The following REC114 variants were observed in gnomAD, a reference collection of about 807,000 sequenced individuals.
REC114 encodes the protein REC114 meiotic recombination protein, also known as meiotic recombination protein REC114.
A neutral mutation model predicts 31.3 loss-of-function variants in REC114; 27 were observed. The ratio of observed to expected loss-of-function variants is 0.86; its 90% CI spans 0.64 to 1.19. REC114 has a LOEUF of 1.19. Among genes scored for constraint, REC114 ranks in the 50% most tolerant of loss-of-function variants. The pLI, the probability that REC114 is intolerant of heterozygous loss-of-function variation, is 0.00. For synonymous variants in REC114, 134 were observed against 127.7 expected, an observed-to-expected ratio of 1.05 and a Z score of -0.33; for missense variants, 344 against 326.9, an observed-to-expected ratio of 1.05 and a Z score of -0.40.
chr15:73,536,151 G>A (rs1206581146), intron 2 of REC114, among the ~76,000 whole-genome samples: 2 of 152,064 alleles, frequency 1.3e-5, no homozygotes, highest in Non-Finnish European at 2.9e-5. Context: ...AAAAGCAATG[G>A]CAACAAAAGA....
intron 2 of REC114, among the ~76,000 whole-genome samples, chr15:73,493,936 AT>A (rs2141304322): frequency 6.6e-6 from 1 of 152,326 alleles, no homozygotes; most frequent in South Asian, 2.1e-4. Context: ...GGTGAAACAG[AT>A]TCCAGATGAG....
intron 1 of REC114, among the ~76,000 whole-genome samples, chr15:73,472,269 C>G (rs146583148): frequency 7.2e-5 from 11 of 152,348 alleles, no homozygotes; most frequent in Admixed American, 6.5e-4. Flanking sequence ...TTCATTTAAA[C>G]TGTGACAAGA....
At chr15:73,449,447 A>G (rs1181009806) in intron 1 of REC114, among the ~76,000 whole-genome samples, 1 of 152,102 alleles carries the variant, frequency 6.6e-6, no homozygotes, top group Non-Finnish European at 1.5e-5. Flanking sequence ...AAGGTTAGAG[A>G]AAAGAGTGAA....
chr15:73,539,872 T>C (rs1483428627), intron 2 of REC114, among the ~76,000 whole-genome samples: 1 of 152,202 alleles, frequency 6.6e-6, no homozygotes, highest in African/African-American at 2.4e-5. Context: ...CTGACTTTAT[T>C]AGTAAATGGC....
chr15:73,443,403 C>T (rs73442046), intron 1 of REC114, 59 bp downstream of exon 1: 38,075 of 1,493,378 alleles, frequency 0.025, 850 homozygotes, highest in African/African-American at 0.12. Flanking sequence ...AGGGGAGGCT[C>T]CGCGAATACA....
At chr15:73,527,996 A>T (rs1389511894) in intron 2 of REC114, among the ~76,000 whole-genome samples, 1 of 152,216 alleles carries the variant, frequency 6.6e-6, no homozygotes, top group Non-Finnish European at 1.5e-5. Context: ...CAATGTAAAG[A>T]TCAGTAACTG....
intron 2 of REC114, among the ~76,000 whole-genome samples, chr15:73,474,228 G>A (rs1291777861): frequency 1.3e-5 from 2 of 152,162 alleles, no homozygotes; most frequent in African/African-American, 2.4e-5. Context: ...AGACAAGTGT[G>A]GAGGGTTTTC....
chr15:73,520,467 GATCCA>G (rs1173401592), intron 2 of REC114, among the ~76,000 whole-genome samples: 1 of 152,142 alleles, frequency 6.6e-6, no homozygotes, highest in Non-Finnish European at 1.5e-5. Flanking sequence ...CTGACCTTGT[GATCCA>G]CCCACCTTGG....
intron 1 of REC114, among the ~76,000 whole-genome samples, chr15:73,448,902 G>T (rs749469334): frequency 2.0e-5 from 3 of 152,162 alleles, no homozygotes; most frequent in East Asian, 1.9e-4. Flanking sequence ...CAGAAGAGGG[G>T]CCTGACTGTT....
At chr15:73,528,294 A>C (rs150079332) in intron 2 of REC114, among the ~76,000 whole-genome samples, 1 of 152,346 alleles carries the variant, frequency 6.6e-6, no homozygotes, top group Admixed American at 6.5e-5. Flanking sequence ...AGATGAATTA[A>C]TGAGTGTAGG....
At chr15:73,522,963 T>C (rs1585944) in intron 2 of REC114, among the ~76,000 whole-genome samples, 7,914 of 152,240 alleles carry the variant, frequency 0.052, 217 homozygotes, top group South Asian at 0.094. Context: ...TCTTTAATTT[T>C]AGCCATTCTG....
intron 1 of REC114, among the ~76,000 whole-genome samples, chr15:73,462,969 T>C (rs1216349797): frequency 6.6e-6 from 1 of 152,076 alleles, no homozygotes; most frequent in East Asian, 1.9e-4. Context: ...CATCATGTTA[T>C]TTTGAAGCAA....
intron 2 of REC114, among the ~76,000 whole-genome samples, chr15:73,479,425 T>C (rs370001095): frequency 4.6e-5 from 7 of 152,002 alleles, no homozygotes; most frequent in East Asian, 1.9e-4. Context: ...ACAATTACCA[T>C]TTTATATATG....
intron 4 of REC114, among the ~76,000 whole-genome samples, chr15:73,554,796 C>T (rs932146752): frequency 1.3e-5 from 2 of 152,188 alleles, no homozygotes; most frequent in Non-Finnish European, 2.9e-5. Context: ...GCTTCAGTTC[C>T]ACTTAGCTAT....
At chr15:73,457,082 T>C (rs1171847159) in intron 1 of REC114, among the ~76,000 whole-genome samples, 1 of 150,796 alleles carries the variant, frequency 6.6e-6, no homozygotes, top group East Asian at 1.9e-4. Flanking sequence ...TTTTTTTTTT[T>C]TTTTTCCAGA....
chr15:73,534,515 A>G (rs1178148939), intron 2 of REC114, among the ~76,000 whole-genome samples: 2 of 152,146 alleles, frequency 1.3e-5, no homozygotes, highest in Non-Finnish European at 2.9e-5. Flanking sequence ...CAGTAACAGG[A>G]GCTGAAATTG....
chr15:73,501,555 A>G (rs1453921955), intron 2 of REC114, among the ~76,000 whole-genome samples: 2 of 152,046 alleles, frequency 1.3e-5, no homozygotes, highest in Admixed American at 1.3e-4. Flanking sequence ...AGAGAGTCTC[A>G]TGTCTCAGCC....
intron 2 of REC114, among the ~76,000 whole-genome samples, chr15:73,482,982 A>C (rs1449148272): frequency 6.6e-6 from 1 of 151,292 alleles, no homozygotes; most frequent in African/African-American, 2.4e-5. Context: ...TGACAGTTCC[A>C]GTTTCTCCAC....
In REC114 at chr15:73,443,226, C is replaced by T. The variant is rs750671215; in HGVS notation, c.41C>T (p.Thr14Ile). 1.5e-5 allele frequency: 24 copies of T among 1,576,122 alleles called. No individual in the cohort carries two copies. In the South Asian group the frequency reaches 2.6e-4, roughly 17 times the overall value. The change falls in exon 1 of 6, where the codon ACC becomes ATC. Residue 14 changes from threonine to isoleucine, a missense_variant. Physicochemically the swap from Thr to Ile is moderately conservative, Grantham distance 89 (BLOSUM62 -1). Transcript: ENST00000331090. ...AAAGTGCCCTTGAGCCTCGGGCTTA[C>T]CGGAGGAGAAGCGGCAGAGTGGCCT... ...AGKVPLSLGLTGGEAAEWPLQ... is the reference protein window; with the variant it reads ...AGKVPLSLGLIGGEAAEWPLQ...
Sources: gnomAD v4.1 joint callset for allele counts (sites outside exome capture counted in the v4.1 genomes callset) on GRCh38, gnomAD v4.1.1 for gene constraint, MANE v1.5 for transcripts, NCBI Gene and HGNC (gene_info 2026-07-23, HGNC 2026-07-21) for gene names.